ACOT13: variants seen among roughly 807,000 people sequenced by gnomAD.
The protein encoded by ACOT13 is acyl-coenzyme A thioesterase 13.
ACOT13 carries 10 observed loss-of-function variants against 11.8 expected under a neutral mutation model. The ratio of observed to expected loss-of-function variants is 0.85; its 90% CI spans 0.53 to 1.44. The LOEUF (loss-of-function observed/expected upper bound fraction) is 1.44. ACOT13 is among the 40% of genes most tolerant of loss of function. ACOT13 has a pLI of 0.00. For missense variants in ACOT13, 172 were observed against 174.1 expected (o/e 0.99, Z 0.07); for synonymous variants, 53 against 61.0 (o/e 0.87, Z 0.61).
At chr6:24,697,126 T>C (rs1295842217) in intron 1 of ACOT13, among the ~76,000 whole-genome samples, 1 of 152,238 alleles carries the variant, frequency 6.6e-6, no homozygotes, top group African/African-American at 2.4e-5. Context: ...TTTCATGTAA[T>C]ACTTTTTCCT....
intron 1 of ACOT13, among the ~76,000 whole-genome samples, chr6:24,668,574 G>A (rs1778304415): frequency 1.3e-5 from 2 of 152,208 alleles, no homozygotes; most frequent in Non-Finnish European, 2.9e-5. Flanking sequence ...GGGGTGTGGA[G>A]CAGCAGCTCA....
intron 1 of ACOT13, among the ~76,000 whole-genome samples, chr6:24,673,572 G>A (rs1778395609): frequency 6.6e-6 from 1 of 152,130 alleles, no homozygotes; most frequent in Admixed American, 6.5e-5. Flanking sequence ...CGTTGGCCGG[G>A]CTAGTCTACA....
At chr6:24,674,565 C>A (rs74925745) in intron 1 of ACOT13, among the ~76,000 whole-genome samples, 1 of 151,962 alleles carries the variant, frequency 6.6e-6, no homozygotes, top group African/African-American at 2.4e-5. Flanking sequence ...CCTGCCACCA[C>A]GCCTGGCTAA....
chr6:24,697,892 G>A lies in ACOT13; in HGVS notation c.91G>A (p.Val31Ile). 1 of 1,603,702 alleles carries A rather than the reference G, an allele frequency of 6.2e-7. No individual in the cohort carries two copies. Among genetic ancestry groups the A allele is most frequent in the Non-Finnish European group, 8.5e-7 (1 of 1,175,916 alleles). Residue 31 changes from valine (V) to isoleucine (I), a missense_variant, in exon 2 of 3, where the codon GTC (valine) becomes ATC (isoleucine). Val to Ile is a conservative substitution (Grantham distance 29). Coordinates refer to ENST00000230048, the MANE Select transcript of ACOT13 (RefSeq NM_018473.4). ...FERVLGKITL[V>I]SAAPGKVICE... ...TTTTTTTTACACTTAGATTACTCTT[G>A]TCTCTGCTGCTCCTGGGAAAGTGAT...
intron 2 of ACOT13, among the ~76,000 whole-genome samples, chr6:24,700,726 G>A (rs1389930548): frequency 1.3e-5 from 2 of 152,024 alleles, no homozygotes; most frequent in African/African-American, 2.4e-5. Flanking sequence ...TTGAGCCATC[G>A]TGCCCGGCCA....
chr6:24,701,366 TA>T, intron 2 of ACOT13, 92 bp from the exon 3 acceptor site: 1 of 1,142,114 alleles, frequency 8.8e-7, no homozygotes, highest in Non-Finnish European at 1.2e-6. Context: ...TTTTTAGGAG[TA>T]AAATAAGTTA....
At chr6:24,688,314 G>A (rs1778667295) in intron 1 of ACOT13, among the ~76,000 whole-genome samples, 1 of 151,948 alleles carries the variant, frequency 6.6e-6, no homozygotes, top group African/African-American at 2.4e-5. Flanking sequence ...GAAGGCAGTA[G>A]GATAGCTTGA....
chr6:24,704,495 T>C lies in ACOT13; in HGVS notation c.*2880T>C, dbSNP rs558637496. ...TACTTATGATCTGAGCTTGAGCAAG[T>C]TACTTAACCTCTGCATCTATTTCCA... On this transcript the variant is annotated 3_prime_UTR_variant, in exon 3 of 3. Coordinates refer to ENST00000230048, the MANE Select transcript of ACOT13 (RefSeq NM_018473.4). 8 of 152,354 alleles carry C rather than the reference T, an allele frequency of 5.3e-5. No homozygotes were observed. The highest frequency in any genetic ancestry group is 1.7e-4 in the African/African-American group (7 of 41,588). 9.4% of individuals were successfully genotyped at this position (152,354 alleles called of 1,614,324 possible).
intron 1 of ACOT13, among the ~76,000 whole-genome samples, chr6:24,695,404 C>G (rs1360736054): frequency 6.6e-6 from 1 of 152,212 alleles, no homozygotes; most frequent in African/African-American, 2.4e-5. Flanking sequence ...GGCTTTTTCC[C>G]TTATCTTCAC....
At chr6:24,686,944 G>T (rs1046764578) in intron 1 of ACOT13, among the ~76,000 whole-genome samples, 1 of 152,086 alleles carries the variant, frequency 6.6e-6, no homozygotes, top group African/African-American at 2.4e-5. Context: ...ATCAGATCTT[G>T]CATGAGCAAG....
intron 1 of ACOT13, among the ~76,000 whole-genome samples, chr6:24,669,947 G>GA (rs964384727): frequency 1.4e-4 from 21 of 150,568 alleles, no homozygotes; most frequent in South Asian, 8.4e-4. Context: ...TCCTAATTAG[G>GA]AAAAAAAAGG....
intron 1 of ACOT13, among the ~76,000 whole-genome samples, chr6:24,669,279 A>G (rs1193334275): frequency 2.0e-5 from 3 of 152,208 alleles, no homozygotes; most frequent in Admixed American, 2.0e-4. Flanking sequence ...TAAAATGAAC[A>G]CTGGTTGGGT....
At chr6:24,676,622 G>A (rs9358793) in intron 1 of ACOT13, among the ~76,000 whole-genome samples, 28,322 of 152,010 alleles carry the variant, frequency 0.19, 3,167 homozygotes, top group Non-Finnish European at 0.26. Context: ...GAGATTTTGG[G>A]CTGAGATGAT....
intron 1 of ACOT13, among the ~76,000 whole-genome samples, chr6:24,691,188 T>C (rs975889950): frequency 5.9e-5 from 9 of 152,218 alleles, no homozygotes; most frequent in South Asian, 2.1e-4. Flanking sequence ...ATTGGGCATA[T>C]TGTTATAGAA....
rs73728658 is a variant in ACOT13 at position 24,699,644 on chromosome 6, T to C, written c.266+1577T>C. On this transcript the variant is annotated intron_variant, in intron 2 of 2. Transcript: ENST00000230048. ...ATGCAGCCAAATGCTCTTTTTGAAA[T>C]TAAGATGTACAGAAAAGAAAGGCTC... 2.4e-3 allele frequency among the ~76,000 whole-genome samples: 371 copies of C among 152,322 alleles called. 4 individuals are homozygous for C. The highest frequency in any genetic ancestry group is 7.4e-3 in the African/African-American group (309 of 41,580).
chr6:24,685,118 C>T (rs749980119), intron 1 of ACOT13, among the ~76,000 whole-genome samples: 1 of 152,002 alleles, frequency 6.6e-6, no homozygotes, highest in Non-Finnish European at 1.5e-5. Flanking sequence ...TCAGACTAGC[C>T]ACATTGCAAG....
In ACOT13 at chr6:24,690,165, C is replaced by T. The variant is rs75159432; in HGVS notation, c.82-7718C>T. ...TATGACTAATGGGCTGTTCCCCTGG[C>T]CTTGATTTGCCAGATTTGCATTCCT... On this transcript the variant is annotated intron_variant, in intron 1 of 2. Transcript: ENST00000230048. Among the ~76,000 whole-genome samples, 1,159 of 152,264 alleles carry T rather than the reference C, an allele frequency of 7.6e-3. 12 individuals carry two copies. Among genetic ancestry groups the T allele is most frequent in the African/African-American group, 0.026 (1,087 of 41,538 alleles).
chr6:24,675,574 G>T (rs190360903), intron 1 of ACOT13, among the ~76,000 whole-genome samples: 1 of 152,266 alleles, frequency 6.6e-6, no homozygotes, highest in African/African-American at 2.4e-5. Flanking sequence ...TTTCGATGGG[G>T]TTGTTTGATT....
At position 24,701,582 on chromosome 6, in the gene ACOT13, A is replaced by G. The variant is rs1460145515; in HGVS notation, c.390A>G (p.Ala130=). 2 of 1,613,206 alleles carry G rather than the reference A, an allele frequency of 1.2e-6. No individual in the cohort carries two copies. The highest frequency in any genetic ancestry group is 8.5e-7 in the Non-Finnish European group (1 of 1,179,516). ...ACAAGGCCACAGGAAAATTAATAGC[A>G]CAAGGAAGACACACAAAACACCTGG... ...LTNKATGKLI[A]QGRHTKHLGN The change falls in exon 3 of 3, where the codon GCA becomes GCG. Residue 130 remains alanine (A), a synonymous_variant. Transcript: ENST00000230048.
Sources: gnomAD v4.1 joint callset for allele counts (sites outside exome capture counted in the v4.1 genomes callset) on GRCh38, gnomAD v4.1.1 for gene constraint, MANE v1.5 for transcripts, NCBI Gene and HGNC (gene_info 2026-07-23, HGNC 2026-07-21) for gene names.